Variants in RCAN2 observed in about 807,000 individuals in gnomAD.
RCAN2 encodes regulator of calcineurin 2.
RCAN2 carries 9 observed loss-of-function variants against 23.6 expected under a neutral mutation model. That is an observed-to-expected ratio of 0.38 (90% CI 0.23 to 0.67). RCAN2 has a LOEUF of 0.67. RCAN2 is among the 30% of genes least tolerant of loss of function. The pLI, the probability that RCAN2 is intolerant of heterozygous loss-of-function variation, is 0.51. For synonymous variants in RCAN2, 109 were observed against 115.7 expected, an observed-to-expected ratio of 0.94 and a Z score of 0.37; for missense variants, 273 against 302.3, an observed-to-expected ratio of 0.90 and a Z score of 0.72.
intron 2 of RCAN2, among the ~76,000 whole-genome samples, chr6:46,333,363 G>A (rs772016487): frequency 1.3e-5 from 2 of 152,080 alleles, no homozygotes; most frequent in African/African-American, 2.4e-5. Context: ...GTAGAAATAG[G>A]CCTTTTCCTT....
intron 2 of RCAN2, among the ~76,000 whole-genome samples, chr6:46,360,255 G>A (rs879445564): frequency 6.6e-6 from 1 of 152,050 alleles, no homozygotes; most frequent in African/African-American, 2.4e-5. Context: ...GATGTAGGCC[G>A]GGCGCTGTGG....
rs1373319610 is a variant in RCAN2 at position 46,223,542 on chromosome 6, T to A, written c.572-241A>T. Reference sequence around the variant, plus strand: ...CACTCAATACCTCTTAGCCTCCACATCCTTTACCGTAAATTTCAACATGGT... The same window carrying A: ...CACTCAATACCTCTTAGCCTCCACAACCTTTACCGTAAATTTCAACATGGT... On this transcript the variant is annotated intron_variant, in intron 4 of 4. Transcript: ENST00000371374. 2.6e-5 allele frequency among the ~76,000 whole-genome samples: 4 copies of A among 152,168 alleles called. No homozygotes were observed. The East Asian group carries it at 7.7e-4, about 29-fold the overall frequency.
chr6:46,329,731 G>T (rs1469652474), intron 2 of RCAN2, among the ~76,000 whole-genome samples: 1 of 152,166 alleles, frequency 6.6e-6, no homozygotes, highest in Non-Finnish European at 1.5e-5. Flanking sequence ...CTTTCCAGCT[G>T]AAGTGGCCAG....
At chr6:46,338,374 C>T (rs1353610707) in intron 2 of RCAN2, among the ~76,000 whole-genome samples, 2 of 152,088 alleles carry the variant, frequency 1.3e-5, no homozygotes, top group Non-Finnish European at 2.9e-5. Flanking sequence ...TGTGTCACAC[C>T]CTCTAGAGTC....
chr6:46,286,121 A>G (rs1055272518), intron 2 of RCAN2, among the ~76,000 whole-genome samples: 1 of 152,196 alleles, frequency 6.6e-6, no homozygotes, highest in Non-Finnish European at 1.5e-5. Flanking sequence ...AGGTTTCTCC[A>G]TGCATAGTGA....
At chr6:46,490,844 T>C (rs1263504461) in intron 1 of RCAN2, among the ~76,000 whole-genome samples, 1 of 152,116 alleles carries the variant, frequency 6.6e-6, no homozygotes, top group Non-Finnish European at 1.5e-5. Context: ...ATGCACCTGC[T>C]GCTGCTTCCA....
intron 2 of RCAN2, among the ~76,000 whole-genome samples, chr6:46,407,395 T>C (rs67952690): frequency 0.034 from 5,108 of 152,240 alleles, 94 homozygotes; most frequent in Middle Eastern, 0.078. Context: ...TGATTTCCCA[T>C]GAAAAAGCCA....
intron 4 of RCAN2, among the ~76,000 whole-genome samples, chr6:46,232,065 C>T (rs775142679): frequency 6.6e-6 from 1 of 152,002 alleles, no homozygotes; most frequent in Non-Finnish European, 1.5e-5. Context: ...GCTGATGTGG[C>T]CCAGTCTGAT....
chr6:46,234,181 C>A (rs1766008217), intron 4 of RCAN2, among the ~76,000 whole-genome samples: 1 of 152,162 alleles, frequency 6.6e-6, no homozygotes, highest in South Asian at 2.1e-4. Flanking sequence ...CAACTTAATA[C>A]CATCAGATTG....
chr6:46,400,206 T>C (rs1163226650), intron 2 of RCAN2, among the ~76,000 whole-genome samples: 1 of 152,188 alleles, frequency 6.6e-6, no homozygotes, highest in Non-Finnish European at 1.5e-5. Flanking sequence ...CACCAATTTA[T>C]CTCCCTGACA....
At chr6:46,447,112 A>G (rs945451125) in intron 2 of RCAN2, among the ~76,000 whole-genome samples, 34 of 152,226 alleles carry the variant, frequency 2.2e-4, no homozygotes, top group Admixed American at 7.2e-4. Context: ...CACACTTCAC[A>G]TATATACTAA....
chr6:46,381,826 T>C (rs1437682359), intron 2 of RCAN2, among the ~76,000 whole-genome samples: 3 of 152,136 alleles, frequency 2.0e-5, no homozygotes, highest in Non-Finnish European at 4.4e-5. Flanking sequence ...AAAAATCTTA[T>C]CTGGTAAAGC....
rs547210210 is a variant in RCAN2, at chr6:46,362,584, A to G, written c.225+94168T>C. ...TTATTAGAGCCTGCATTACACTACAAAACTGATTCTGTCATGGTTCTGTAT... is the reference window on the plus strand; with the variant it reads ...TTATTAGAGCCTGCATTACACTACAGAACTGATTCTGTCATGGTTCTGTAT... On this transcript the variant is annotated intron_variant, in intron 2 of 4. Transcript: ENST00000371374. Among the ~76,000 whole-genome samples, 5 of 152,194 alleles carry G rather than the reference A, an allele frequency of 3.3e-5. No homozygotes were observed. The South Asian group carries it at 1.0e-3, about 32-fold the overall frequency.
intron 2 of RCAN2, among the ~76,000 whole-genome samples, chr6:46,334,292 C>T (rs778328387): frequency 3.3e-5 from 5 of 152,220 alleles, no homozygotes; most frequent in Non-Finnish European, 5.9e-5. Flanking sequence ...CCTTGAGAAG[C>T]GGGCTCCTCT....
chr6:46,297,701 C>A (rs1762767633), intron 2 of RCAN2, among the ~76,000 whole-genome samples: 1 of 152,130 alleles, frequency 6.6e-6, no homozygotes, highest in Non-Finnish European at 1.5e-5. Context: ...AGGAGTAACA[C>A]TCTGCAATTC....
rs71546649 is a variant in RCAN2 at position 46,491,236 on chromosome 6, G to T, written c.-66C>A. ...GGAGGCGGCGGCTGGGGCGTCTACGGGGGCCAGCTGCTAGCGCGCGGCGCT... is the reference window on the plus strand; with the variant it reads ...GGAGGCGGCGGCTGGGGCGTCTACGTGGGCCAGCTGCTAGCGCGCGGCGCT... On this transcript the variant is annotated 5_prime_UTR_variant, in exon 1 of 5. Transcript: ENST00000371374. 0.19 allele frequency: 29,286 copies of T among 151,530 alleles called. 2,920 individuals are homozygous for T. The highest frequency in any genetic ancestry group is 0.29 in the Middle Eastern group (86 of 292). The allele number at this position is 151,530 out of a possible 1,614,324, so 9.4% of individuals were successfully genotyped here.
chr6:46,409,187 T>C (rs1410946739), intron 2 of RCAN2, among the ~76,000 whole-genome samples: 4 of 152,118 alleles, frequency 2.6e-5, no homozygotes, highest in African/African-American at 9.7e-5. Context: ...TTTCTCAAGG[T>C]TCTCATTTAA....
chr6:46,271,959 T>C (rs1266144349), intron 2 of RCAN2, among the ~76,000 whole-genome samples: 2 of 152,176 alleles, frequency 1.3e-5, no homozygotes, highest in African/African-American at 4.8e-5. Context: ...GCTGTAGTAA[T>C]TGGGCCAAGG....
At chr6:46,426,148 C>T (rs935203814) in intron 2 of RCAN2, among the ~76,000 whole-genome samples, 1 of 152,070 alleles carries the variant, frequency 6.6e-6, no homozygotes, top group South Asian at 2.1e-4. Context: ...ATCCACCCCC[C>T]TCAGCTTCCC....
Sources: gnomAD v4.1 joint callset for allele counts (sites outside exome capture counted in the v4.1 genomes callset) on GRCh38, gnomAD v4.1.1 for gene constraint, MANE v1.5 for transcripts, NCBI Gene and HGNC (gene_info 2026-07-23, HGNC 2026-07-21) for gene names.